The following TRIO variants were observed in gnomAD, a reference collection of about 807,000 sequenced individuals.
TRIO encodes the protein trio Rho guanine nucleotide exchange factor, also known as triple functional domain protein.
TRIO carries 58 observed loss-of-function variants against 351.9 expected under a neutral mutation model. The observed-to-expected ratio is 0.16, with a 90% CI of 0.13 to 0.21. The LOEUF (loss-of-function observed/expected upper bound fraction) is 0.21. Ranked by LOEUF, TRIO falls within the 10% of genes least tolerant of loss-of-function variation. TRIO has a pLI of 1.00. For missense variants in TRIO, 3,201 were observed against 4,027.8 expected (o/e 0.79, Z 5.56); for synonymous variants, 1,758 against 1,595.7 (o/e 1.10, Z -2.42).
At chr5:14,167,274 T>C (rs576382535) in intron 1 of TRIO, among the ~76,000 whole-genome samples, 1 of 151,996 alleles carries the variant, frequency 6.6e-6, no homozygotes, top group South Asian at 2.1e-4. Context: ...AGTTCTTGGG[T>C]ATATTTTTAC....
At chr5:14,450,773 A>G (rs955279702) in intron 34 of TRIO, among the ~76,000 whole-genome samples, 5 of 152,226 alleles carry the variant, frequency 3.3e-5, no homozygotes, top group African/African-American at 7.2e-5. Context: ...TGACAGCATA[A>G]CAAACAGTTG....
intron 1 of TRIO, chr5:14,183,978 C>CT (rs1294272471): frequency 1.4e-6 from 1 of 697,914 alleles, no homozygotes; most frequent in South Asian, 1.5e-5. Context: ...GTGTCCCAGA[C>CT]TTTAAAAAAT....
chr5:14,330,981 A>G (rs1323992939), intron 10 of TRIO, 81 bp downstream of exon 10: 13 of 1,581,588 alleles, frequency 8.2e-6, no homozygotes, highest in Non-Finnish European at 1.0e-5. Context: ...CACATTTGAG[A>G]TAAGTTAGCA....
intron 56 of TRIO, 116 bp downstream of exon 56, chr5:14,507,376 G>C: frequency 6.9e-7 from 1 of 1,445,260 alleles, no homozygotes; most frequent in Non-Finnish European, 9.3e-7. Context: ...GGGACAAAAA[G>C]GGTGGGTGGG....
At chr5:14,480,693 A>T (rs1000574104) in intron 43 of TRIO, among the ~76,000 whole-genome samples, 2 of 152,244 alleles carry the variant, frequency 1.3e-5, no homozygotes, top group Non-Finnish European at 2.9e-5. Flanking sequence ...TGGATTAAAC[A>T]GGAACAATTG....
chr5:14,210,602 T>TTTTG (rs1791827701), intron 1 of TRIO, among the ~76,000 whole-genome samples: 1 of 151,840 alleles, frequency 6.6e-6, no homozygotes, highest in Admixed American at 6.6e-5. Flanking sequence ...AAAGTGTTTT[T>TTTTG]TTGTTGTTGT....
Position 14,498,608 on chromosome 5 carries a change from C to T in TRIO, c.8300C>T (p.Ser2767Leu), listed in dbSNP as rs146227809. The change falls in exon 53 of 57, where the codon TCA becomes TTA. Residue 2767 changes from serine to leucine, a missense_variant. Transcript: ENST00000344204. ...YTCIAVNDMG[S>L]ASSSASLRVL... Reference sequence around the variant, plus strand: ...TGCATCGCTGTCAATGACATGGGTTCAGCCTCATCGTCGGCCAGCCTGAGG... The same window carrying T: ...TGCATCGCTGTCAATGACATGGGTTTAGCCTCATCGTCGGCCAGCCTGAGG... 9.4e-4 allele frequency: 1,525 copies of T among 1,614,130 alleles called. 10 individuals are homozygous for T. The highest frequency in any genetic ancestry group is 6.3e-3 in the South Asian group (571 of 91,088).
At chr5:14,372,748 A>T (rs1745230669) in intron 18 of TRIO, among the ~76,000 whole-genome samples, 1 of 152,178 alleles carries the variant, frequency 6.6e-6, no homozygotes, top group African/African-American at 2.4e-5. Flanking sequence ...ACTGTCATTT[A>T]TCTTTTAACA....
At position 14,507,949 on chromosome 5, in the gene TRIO, G is replaced by C. The variant is rs767953889; in HGVS notation, c.8821G>C (p.Val2941Leu). 1 of 1,614,094 alleles carries C rather than the reference G, an allele frequency of 6.2e-7. No homozygotes were observed. The highest frequency in any genetic ancestry group is 8.5e-7 in the Non-Finnish European group (1 of 1,180,056). ...CAAACTGGCTGACTTTGGAGATGCTGTTCAGCTCAACACGACCTACTACAT... is the reference window on the plus strand; with the variant it reads ...CAAACTGGCTGACTTTGGAGATGCTCTTCAGCTCAACACGACCTACTACAT... ...TIKLADFGDA[V>L]QLNTTYYIHQ... Residue 2941 changes from valine to leucine, a missense_variant, in exon 57 of 57, where the codon GTT becomes CTT. Val to Leu is a conservative substitution (Grantham distance 32, BLOSUM62 1). Transcript: ENST00000344204.
rs74351545 is a variant in TRIO at position 14,220,971 on chromosome 5, G to T, written c.158-49854G>T. Among the ~76,000 whole-genome samples, 319 of 152,352 alleles carry T rather than the reference G, an allele frequency of 2.1e-3. 2 individuals are homozygous for T. The highest frequency in any genetic ancestry group is 3.3e-3 in the Non-Finnish European group (222 of 68,030). ...GCCATCTAGGACTTTCACAGCTAGA[G>T]AGGAGAAATCAACATCTGGTTTTAA... On this transcript the variant is annotated intron_variant, in intron 1 of 56. Coordinates refer to ENST00000344204, the MANE Select transcript of TRIO (RefSeq NM_007118.4).
chr5:14,208,624 T>C (rs1041453366), intron 1 of TRIO, among the ~76,000 whole-genome samples: 1 of 152,196 alleles, frequency 6.6e-6, no homozygotes, highest in Admixed American at 6.5e-5. Flanking sequence ...GCAACTGTAA[T>C]CTAACTTAGT....
intron 19 of TRIO, among the ~76,000 whole-genome samples, chr5:14,377,411 A>G (rs936549024): frequency 3.3e-5 from 5 of 151,778 alleles, no homozygotes; most frequent in Non-Finnish European, 7.4e-5. Context: ...ATGCCCTGCT[A>G]ATTTTTGTAT....
intron 33 of TRIO, among the ~76,000 whole-genome samples, chr5:14,407,214 T>A (rs1174482888): frequency 6.6e-6 from 1 of 152,064 alleles, no homozygotes; most frequent in African/African-American, 2.4e-5. Flanking sequence ...CCAAACAGGT[T>A]TGGCACAGGG....
intron 53 of TRIO, among the ~76,000 whole-genome samples, 161 bp from the exon 54 acceptor site, chr5:14,502,418 T>C (rs1167370237): frequency 6.6e-6 from 1 of 152,248 alleles, no homozygotes; most frequent in Non-Finnish European, 1.5e-5. Flanking sequence ...CCAGTGTCTG[T>C]GTGTCCTTTA....
At chr5:14,396,231 A>T (rs1181825953) in intron 28 of TRIO, among the ~76,000 whole-genome samples, 1 of 151,768 alleles carries the variant, frequency 6.6e-6, no homozygotes, top group Non-Finnish European at 1.5e-5. Context: ...CGCAAAAAGG[A>T]AATGCATTTG....
chr5:14,352,074 C>G (rs556656362), intron 11 of TRIO, among the ~76,000 whole-genome samples: 1 of 152,196 alleles, frequency 6.6e-6, no homozygotes, highest in Non-Finnish European at 1.5e-5. Context: ...CTTAATCACT[C>G]GGGTTTTCAC....
chr5:14,438,473 C>T (rs976959322), intron 34 of TRIO, among the ~76,000 whole-genome samples: 1 of 152,208 alleles, frequency 6.6e-6, no homozygotes, highest in African/African-American at 2.4e-5. Context: ...ATTGTCGCTT[C>T]TGTAATTTGT....
At chr5:14,328,157 C>G (rs527458802) in intron 9 of TRIO, among the ~76,000 whole-genome samples, 1 of 152,132 alleles carries the variant, frequency 6.6e-6, no homozygotes, top group East Asian at 1.9e-4. Context: ...ACGCCCAATA[C>G]GCTAGTTAAA....
At chr5:14,308,338 A>AT (rs1554052646) in intron 8 of TRIO, among the ~76,000 whole-genome samples, 5 of 123,826 alleles carry the variant, frequency 4.0e-5, no homozygotes, top group African/African-American at 1.5e-4. Flanking sequence ...CCATCCATCC[A>AT]CCCACCCACC....
Sources: allele counts gnomAD v4.1 joint callset (sites outside exome capture counted in the v4.1 genomes callset), GRCh38; gene constraint gnomAD v4.1.1; transcripts MANE v1.5; gene names NCBI Gene and HGNC (gene_info 2026-07-23, HGNC 2026-07-21).